CLVS2: variants seen among roughly 807,000 people sequenced by gnomAD.
CLVS2 encodes clavesin-2.
A neutral mutation model predicts 29.0 loss-of-function variants in CLVS2; 19 were observed. That is an observed-to-expected ratio of 0.66 (90% CI 0.46 to 0.96). CLVS2 has a LOEUF of 0.96. Among genes scored for constraint, CLVS2 ranks in the 40% least tolerant of loss-of-function variants. The probability of loss-of-function intolerance (pLI) is 0.00; values close to 1 mark genes in which losing one functional copy is unlikely to be tolerated. For synonymous variants in CLVS2, 161 were observed against 151.3 expected (o/e 1.06, Z -0.47); for missense variants, 294 against 404.1 (o/e 0.73, Z 2.34).
intron 3 of CLVS2, among the ~76,000 whole-genome samples, chr6:123,040,409 T>C (rs1381620525): frequency 6.6e-6 from 1 of 152,124 alleles, no homozygotes; most frequent in Non-Finnish European, 1.5e-5. Flanking sequence ...AAGAATGTTA[T>C]AGATTATTTC....
intron 3 of CLVS2, among the ~76,000 whole-genome samples, chr6:123,030,892 A>G (rs1488283699): frequency 6.7e-6 from 1 of 149,550 alleles, no homozygotes; most frequent in Non-Finnish European, 1.5e-5. Context: ...AAATATATAT[A>G]TATATCTCAT....
chr6:123,058,335 A>G (rs1772725058), intron 5 of CLVS2, among the ~76,000 whole-genome samples: 1 of 152,168 alleles, frequency 6.6e-6, no homozygotes. Context: ...ACTGAACTAC[A>G]TAAGGATTTG....
In CLVS2 at chr6:123,015,905, G is replaced by C. The variant is rs1254648143; in HGVS notation, c.564+4746G>C. 2.0e-5 allele frequency among the ~76,000 whole-genome samples: 3 copies of C among 151,720 alleles called. No homozygotes were observed. In the East Asian group the frequency reaches 5.9e-4, roughly 30 times the overall value. On this transcript the variant is annotated intron_variant, in intron 3 of 5. Coordinates refer to ENST00000275162, the MANE Select transcript of CLVS2 (RefSeq NM_001010852.4). ...TAAGCCATTCATAATATTGGTCCAA[G>C]GTAAGTTTATATGCTTTCTCTGTGC...
intron 2 of CLVS2, among the ~76,000 whole-genome samples, chr6:123,004,435 A>G (rs898950166): frequency 6.6e-6 from 1 of 152,204 alleles, no homozygotes; most frequent in Admixed American, 6.5e-5. Context: ...AGCCAGACAG[A>G]TGAAATTTCA....
intron 3 of CLVS2, among the ~76,000 whole-genome samples, chr6:123,026,696 A>T (rs920273776): frequency 1.3e-5 from 2 of 152,192 alleles, no homozygotes; most frequent in African/African-American, 4.8e-5. Flanking sequence ...AAAATCCCAA[A>T]TATCATGCTA....
intron 5 of CLVS2, among the ~76,000 whole-genome samples, chr6:123,061,799 TG>T (rs1294811194): frequency 1.3e-5 from 2 of 152,232 alleles, no homozygotes; most frequent in Non-Finnish European, 2.9e-5. Flanking sequence ...GCTTAACTAT[TG>T]TGCCTTGTGC....
intron 2 of CLVS2, among the ~76,000 whole-genome samples, chr6:123,009,762 T>A (rs1774722674): frequency 6.6e-6 from 1 of 152,090 alleles, no homozygotes; most frequent in African/African-American, 2.4e-5. Context: ...CCATAAAATT[T>A]CTCACTCCTC....
In CLVS2 at chr6:123,055,952, C is replaced by A. The variant is rs1449797967; in HGVS notation, c.822C>A (p.Ser274Arg). ...TLLDHEYDDD[S>R]EYNVDSYSMP... ...TAGACCATGAATATGACGATGACAG[C>A]GAGTACAATGTAGACTCCTACAGCA... Residue 274 changes from serine to arginine, a missense_variant, in exon 5 of 6, where the codon AGC becomes AGA. Around this residue, in one of 2 missense-constraint regions of CLVS2, gnomAD observed 82 missense variants for 67.8 expected, o/e 1.21. Transcript: ENST00000275162. The A allele has an allele frequency of 1.9e-6, 3 of 1,613,848 alleles. No homozygotes were observed. Among genetic ancestry groups the A allele is most frequent in the Non-Finnish European group, 2.5e-6 (3 of 1,179,886 alleles).
At chr6:123,019,300 T>G (rs1774888974) in intron 3 of CLVS2, among the ~76,000 whole-genome samples, 1 of 152,078 alleles carries the variant, frequency 6.6e-6, no homozygotes, top group Non-Finnish European at 1.5e-5. Flanking sequence ...AAAATAATTT[T>G]GATGATTCTT....
chr6:123,000,463 G>A lies in CLVS2; in HGVS notation c.389+2297G>A, dbSNP rs533953828. Among the ~76,000 whole-genome samples, 3 of 152,166 alleles carry A rather than the reference G, an allele frequency of 2.0e-5. No individual in the cohort carries two copies. In the South Asian group the frequency reaches 6.2e-4, roughly 32 times the overall value. On this transcript the variant is annotated intron_variant, in intron 2 of 5. Transcript: ENST00000275162. The stretch of plus-strand genomic sequence containing the variant: ...GAGCATGTGCATAAAAACGTCCTTG[G>A]CTCCTGCTCTGAAACTCAAAGGACA...
At chr6:123,063,584 C>A in intron 5 of CLVS2, 90 bp from the exon 6 acceptor site, 1 of 726,086 alleles carries the variant, frequency 1.4e-6, no homozygotes, top group Non-Finnish European at 2.4e-6. Flanking sequence ...AATTCACATT[C>A]CTGGGAGAAG....
rs187343001 is a variant in CLVS2 at position 123,055,577 on chromosome 6, C to T, written c.676-229C>T. On this transcript the variant is annotated intron_variant, in intron 4 of 5. Transcript: ENST00000275162. ...GCTCTTTTACCCAATAACTCTCTGA[C>T]CTTCCAGAAATTACTTAAAGTGTCT... 1.9e-3 allele frequency among the ~76,000 whole-genome samples: 286 copies of T among 152,260 alleles called. 2 individuals are homozygous for T. Among genetic ancestry groups the T allele is most frequent in the African/African-American group, 6.6e-3 (275 of 41,566 alleles).
intron 4 of CLVS2, among the ~76,000 whole-genome samples, chr6:123,049,586 T>TAGA (rs1379763147): frequency 6.6e-6 from 1 of 152,184 alleles, no homozygotes; most frequent in African/African-American, 2.4e-5. Flanking sequence ...GCCCCATGTA[T>TAGA]AGAGCTATTT....
intron 3 of CLVS2, among the ~76,000 whole-genome samples, chr6:123,022,989 T>C (rs1353886178): frequency 6.6e-6 from 1 of 152,070 alleles, no homozygotes; most frequent in Non-Finnish European, 1.5e-5. Context: ...ATGCTAAATG[T>C]GGAGACATAA....
At chr6:123,017,228 T>C (rs146596511) in intron 3 of CLVS2, among the ~76,000 whole-genome samples, 3,664 of 152,076 alleles carry the variant, frequency 0.024, 59 homozygotes, top group African/African-American at 0.048. Flanking sequence ...TTCTTTGCAG[T>C]GGTTGTTAAG....
In CLVS2 at chr6:123,055,302, G is replaced by A. The variant is rs541290930; in HGVS notation, c.676-504G>A. ...CTTTGCATTATAAAACAGTAATTTA[G>A]TGGTTACAATATTCTTATTTTTATT... On this transcript the variant is annotated intron_variant, in intron 4 of 5. Transcript: ENST00000275162. Among the ~76,000 whole-genome samples, 18 of 105,068 alleles carry A rather than the reference G, an allele frequency of 1.7e-4. No homozygotes were observed. In the East Asian group the frequency reaches 5.3e-3, roughly 31 times the overall value. 68.9% of individuals were successfully genotyped at this position (105,068 alleles called of 152,430 possible). A position where few individuals can be genotyped will look rare whatever the true frequency, so the allele number is the denominator to read the frequency against.
chr6:123,029,623 A>G (rs1250682157), intron 3 of CLVS2, among the ~76,000 whole-genome samples: 2 of 152,128 alleles, frequency 1.3e-5, no homozygotes, highest in Non-Finnish European at 2.9e-5. Context: ...AAGGACATGA[A>G]TGCCACTGTA....
In CLVS2 at chr6:123,071,773, A is replaced by G. The variant is rs1025873060; in HGVS notation, c.*8012A>G. 6 of 151,994 alleles carry G rather than the reference A, an allele frequency of 3.9e-5. No homozygotes were observed. The highest frequency in any genetic ancestry group is 1.4e-4 in the African/African-American group (6 of 41,428). The allele number at this position is 151,994 out of a possible 1,614,324, so 9.4% of individuals were successfully genotyped here. On this transcript the variant is annotated 3_prime_UTR_variant, in exon 6 of 6. Transcript: ENST00000275162. ...TCTAAGGTCTTTCCATGATCTTGAA[A>G]TCTATATATTATAGTCATTTAGTCT...
intron 3 of CLVS2, among the ~76,000 whole-genome samples, chr6:123,018,556 C>A (rs948463123): frequency 6.6e-6 from 1 of 151,686 alleles, no homozygotes; most frequent in Non-Finnish European, 1.5e-5. Context: ...ACTATATTGC[C>A]AGAATCTTAG....
Sources: allele counts gnomAD v4.1 joint callset (sites outside exome capture counted in the v4.1 genomes callset), GRCh38; gene constraint gnomAD v4.1.1; regional missense constraint gnomAD v4.1.1; transcripts MANE v1.5; gene names NCBI Gene and HGNC (gene_info 2026-07-23, HGNC 2026-07-21).